The following SV2B variants were observed in gnomAD, a reference collection of about 807,000 sequenced individuals.
SV2B encodes synaptic vesicle glycoprotein 2B.
SV2B carries 41 observed loss-of-function variants against 73.9 expected under a neutral mutation model. The ratio of observed to expected loss-of-function variants is 0.56; its 90% CI spans 0.43 to 0.72. The LOEUF is 0.72. Among genes scored for constraint, SV2B ranks in the 30% least tolerant of loss-of-function variants. The probability of loss-of-function intolerance (pLI) is 0.00; values close to 1 mark genes in which losing one functional copy is unlikely to be tolerated. For synonymous variants in SV2B, 314 were observed against 314.2 expected (o/e 1.00, Z 0.01); for missense variants, 764 against 857.8 (o/e 0.89, Z 1.37).
chr15:91,244,726 C>T (rs1169610764), intron 2 of SV2B, among the ~76,000 whole-genome samples: 2 of 152,100 alleles, frequency 1.3e-5, no homozygotes, highest in Non-Finnish European at 2.9e-5. Flanking sequence ...GAATCCCATG[C>T]CCTAGTCCAA....
In SV2B at chr15:91,258,647, T is replaced by G; in HGVS notation, c.918+93T>G. ...TCTCTCAGCTCCTAGTCCCACATCC[T>G]CTGCTGCTTATGTGTTGCAAACTCT... is the stretch of plus-strand genomic sequence containing the variant. On this transcript the variant is annotated intron_variant, in intron 5 of 12. Transcript: ENST00000394232. This position sits in a 1 kb window ranked among gnomAD's most constrained non-coding sequence, Gnocchi z 4.7. 1 of 1,564,634 alleles carries G rather than the reference T, an allele frequency of 6.4e-7. No individual in the cohort carries two copies. The highest frequency in any genetic ancestry group is 8.7e-7 in the Non-Finnish European group (1 of 1,153,310).
At chr15:91,269,593 A>G (rs948480439) in intron 9 of SV2B, among the ~76,000 whole-genome samples, 3 of 152,226 alleles carry the variant, frequency 2.0e-5, no homozygotes, top group African/African-American at 7.2e-5. Flanking sequence ...GTGTCTCAGT[A>G]AAGTCCCTAC....
intron 1 of SV2B, among the ~76,000 whole-genome samples, chr15:91,178,920 C>T (rs1394706061): frequency 6.7e-6 from 1 of 149,772 alleles, no homozygotes; most frequent in Admixed American, 6.7e-5. Context: ...TTAGTTATTT[C>T]TTGCCTTCTG....
intron 1 of SV2B, among the ~76,000 whole-genome samples, chr15:91,185,761 C>G (rs1327280546): frequency 6.6e-6 from 1 of 152,192 alleles, no homozygotes; most frequent in African/African-American, 2.4e-5. Flanking sequence ...CAGTACCTTG[C>G]AAGGCAGATT....
chr15:91,155,482 C>G (rs764899244), intron 1 of SV2B, among the ~76,000 whole-genome samples: 10 of 152,166 alleles, frequency 6.6e-5, no homozygotes, highest in South Asian at 2.1e-4. Flanking sequence ...GGGCAAGAAA[C>G]CAGCATTCCT....
At chr15:91,131,229 A>C (rs1349109214) in intron 1 of SV2B, among the ~76,000 whole-genome samples, 1 of 147,232 alleles carries the variant, frequency 6.8e-6, no homozygotes, top group African/African-American at 2.5e-5. Context: ...GGCTCATGCA[A>C]TTCTCCTGCC....
chr15:91,271,734 T>C (rs73518781), intron 9 of SV2B, among the ~76,000 whole-genome samples: 1,796 of 152,218 alleles, frequency 0.012, 47 homozygotes, highest in African/African-American at 0.042. Flanking sequence ...GGAGCCTGGC[T>C]TCTTTTCTTG....
At chr15:91,200,669 G>A (rs1253549258) in intron 1 of SV2B, among the ~76,000 whole-genome samples, 4 of 152,168 alleles carry the variant, frequency 2.6e-5, no homozygotes, top group Non-Finnish European at 4.4e-5. Flanking sequence ...CCAACTTTGG[G>A]AGGCCAAGAC....
rs1021099292 is a variant in SV2B at position 91,221,761 on chromosome 15, C to T, written c.-391-4112C>T. On this transcript the variant is annotated intron_variant, in intron 1 of 12. Coordinates refer to ENST00000394232, the MANE Select transcript of SV2B (RefSeq NM_001323032.3). ...TGAAAGCTTCTACCTGGTTTCATTG[C>T]CGTTAGATTTTTTATTAAAAACCAG... 3.3e-5 allele frequency among the ~76,000 whole-genome samples: 5 copies of T among 151,550 alleles called. No homozygotes were observed. In the East Asian group the frequency reaches 9.7e-4, roughly 29 times the overall value.
rs746533691 is a variant in SV2B, at chr15:91,110,267, G to T, written c.-392+9904G>T. Among the ~76,000 whole-genome samples the T allele has an allele frequency of 6.6e-6, 1 of 152,154 alleles. No homozygotes were observed. The highest frequency in any genetic ancestry group is 1.5e-5 in the Non-Finnish European group (1 of 68,028). On this transcript the variant is annotated intron_variant, in intron 1 of 12. Coordinates refer to ENST00000394232, the MANE Select transcript of SV2B (RefSeq NM_001323032.3). The surrounding 1 kb of genome is among the most constrained non-coding windows in gnomAD (Gnocchi z 5.4). Reference sequence around the variant, plus strand: ...TACAGTAAGTTAATGATGGAGAGAGGGTCAAAGCTCAGGTCGGGGCTGTAG... The same window carrying T: ...TACAGTAAGTTAATGATGGAGAGAGTGTCAAAGCTCAGGTCGGGGCTGTAG...
chr15:91,122,053 C>A lies in SV2B; in HGVS notation c.-392+21690C>A, dbSNP rs181735140. On this transcript the variant is annotated intron_variant, in intron 1 of 12. Coordinates refer to ENST00000394232, the MANE Select transcript of SV2B (RefSeq NM_001323032.3). This position sits in a 1 kb window ranked among gnomAD's most constrained non-coding sequence, Gnocchi z 4.3. ...CCTCCCAAAGTGCTGGGATTACAGGCGTGAGCCACTGCGCCCGGCCCAATG... is the reference window on the plus strand; with the variant it reads ...CCTCCCAAAGTGCTGGGATTACAGGAGTGAGCCACTGCGCCCGGCCCAATG... 6.6e-6 allele frequency among the ~76,000 whole-genome samples: 1 copy of A among 152,070 alleles called. No homozygotes were observed. Among genetic ancestry groups the A allele is most frequent in the African/African-American group, 2.4e-5 (1 of 41,420 alleles).
At chr15:91,216,886 C>CTT (rs557223668) in intron 1 of SV2B, among the ~76,000 whole-genome samples, 3,992 of 126,558 alleles carry the variant, frequency 0.032, 310 homozygotes, top group African/African-American at 0.12. Context: ...GAATAACTAC[C>CTT]TTTTTTTTTT....
rs552381326 is a variant in SV2B at position 91,129,434 on chromosome 15, A to G, written c.-392+29071A>G. Among the ~76,000 whole-genome samples, 363 of 152,350 alleles carry G rather than the reference A, an allele frequency of 2.4e-3. 2 individuals carry two copies. Among genetic ancestry groups the G allele is most frequent in the African/African-American group, 8.4e-3 (351 of 41,592 alleles). The stretch of plus-strand genomic sequence containing the variant: ...AGATGGAACTGGGGGAGGAAGGAGC[A>G]TTGAGGCTGAGTCAAGTGCAATGGT... On this transcript the variant is annotated intron_variant, in intron 1 of 12. Coordinates refer to ENST00000394232, the MANE Select transcript of SV2B (RefSeq NM_001323032.3). The surrounding 1 kb of genome is among the most constrained non-coding windows in gnomAD (Gnocchi z 5.1).
chr15:91,275,830 A>T (rs2048467201), intron 9 of SV2B, among the ~76,000 whole-genome samples: 1 of 152,200 alleles, frequency 6.6e-6, no homozygotes, highest in Admixed American at 6.5e-5. Flanking sequence ...TGTCTCCAAA[A>T]AAAAGAGGAA....
At chr15:91,127,346 G>A (rs945839674) in intron 1 of SV2B, among the ~76,000 whole-genome samples, 2 of 152,062 alleles carry the variant, frequency 1.3e-5, no homozygotes, top group Non-Finnish European at 2.9e-5. Flanking sequence ...AACGGGCAGA[G>A]GCCAGGCTGG....
intron 2 of SV2B, 43 bp downstream of exon 2, chr15:91,226,757 A>G: frequency 6.3e-7 from 1 of 1,575,032 alleles, no homozygotes; most frequent in Non-Finnish European, 8.5e-7. Context: ...AAAGGGAAGG[A>G]GAAGTAAAAT....
intron 1 of SV2B, among the ~76,000 whole-genome samples, chr15:91,196,448 T>C (rs895277484): frequency 6.6e-6 from 1 of 152,218 alleles, no homozygotes; most frequent in African/African-American, 2.4e-5. Flanking sequence ...CTGAATTAGA[T>C]TTTATAGGCT....
rs965605628 is a variant in SV2B, at chr15:91,121,267, C to T, written c.-392+20904C>T. ...TTATCTAGTGCTGTGGTTCTCAATC[C>T]TGGCTGTACTTTAGAATCAAGTGAG... is the stretch of plus-strand genomic sequence containing the variant. On this transcript the variant is annotated intron_variant, in intron 1 of 12. Transcript: ENST00000394232. This position sits in a 1 kb window ranked among gnomAD's most constrained non-coding sequence, Gnocchi z 4.4. 6.6e-6 allele frequency among the ~76,000 whole-genome samples: 1 copy of T among 152,052 alleles called. No homozygotes were observed. The highest frequency in any genetic ancestry group is 2.4e-5 in the African/African-American group (1 of 41,392).
chr15:91,104,918 CA>C (rs1325788862), intron 1 of SV2B, among the ~76,000 whole-genome samples: 1 of 152,228 alleles, frequency 6.6e-6, no homozygotes, highest in Non-Finnish European at 1.5e-5. Flanking sequence ...AGGCGTGAGC[CA>C]CCGCGCCTGA....
Sources: gnomAD v4.1 joint callset for allele counts (sites outside exome capture counted in the v4.1 genomes callset) on GRCh38, gnomAD v4.1.1 for gene constraint, Gnocchi (gnomAD v3.1) non-coding constraint, MANE v1.5 for transcripts, NCBI Gene and HGNC (gene_info 2026-07-23, HGNC 2026-07-21) for gene names.